Variants in GALNT13 observed in about 807,000 individuals in gnomAD.
GALNT13 encodes UDP-GalNAc:polypeptide N-acetylgalactosaminyltransferase 13.
GALNT13 carries 28 observed loss-of-function variants against 64.2 expected under a neutral mutation model. The ratio of observed to expected loss-of-function variants is 0.44; its 90% CI spans 0.32 to 0.60. GALNT13 has a LOEUF of 0.60. Ranked by LOEUF, GALNT13 falls within the 20% of genes least tolerant of loss-of-function variation. The probability of loss-of-function intolerance (pLI) is 0.05; values close to 1 mark genes in which losing one functional copy is unlikely to be tolerated. For synonymous variants in GALNT13, 214 were observed against 224.6 expected (o/e 0.95, Z 0.42); for missense variants, 577 against 669.8 (o/e 0.86, Z 1.53).
At chr2:154,211,488 C>T (rs534468434) in intron 4 of GALNT13, among the ~76,000 whole-genome samples, 1 of 151,650 alleles carries the variant, frequency 6.6e-6, no homozygotes, top group East Asian at 1.9e-4. Context: ...ATTAGCCAGG[C>T]ATGGTGATGC....
chr2:153,778,270 A>G, the GALNT13 span, among the ~76,000 whole-genome samples: 1 of 152,192 alleles, frequency 6.6e-6, no homozygotes, highest in African/African-American at 2.4e-5. Context: ...GAGTATTTAT[A>G]GGCACAGGAT....
chr2:153,842,591 G>A, the GALNT13 span, among the ~76,000 whole-genome samples: 4 of 149,770 alleles, frequency 2.7e-5, no homozygotes, highest in African/African-American at 9.8e-5. Flanking sequence ...AGTAAAACTA[G>A]TTTTTTTTTT....
intron 4 of GALNT13, among the ~76,000 whole-genome samples, chr2:154,210,381 T>G (rs1181653948): frequency 6.6e-6 from 1 of 152,196 alleles, no homozygotes; most frequent in Non-Finnish European, 1.5e-5. Context: ...ATATGGTAGT[T>G]CTATATGTAG....
chr2:153,758,739 T>C, the GALNT13 span, among the ~76,000 whole-genome samples: 2 of 152,056 alleles, frequency 1.3e-5, no homozygotes, highest in Non-Finnish European at 1.5e-5. Flanking sequence ...ATTACAGGCC[T>C]GTGTGCCGCA....
the GALNT13 span, among the ~76,000 whole-genome samples, chr2:153,492,456 C>T: frequency 6.6e-6 from 1 of 152,274 alleles, no homozygotes; most frequent in South Asian, 2.1e-4. Context: ...TGCTGCTTTG[C>T]AGAATTCAAT....
chr2:153,782,069 C>T, the GALNT13 span, among the ~76,000 whole-genome samples: 2 of 152,086 alleles, frequency 1.3e-5, no homozygotes, highest in African/African-American at 4.8e-5. Flanking sequence ...ATCCCACCAC[C>T]CCCTAAATTC....
intron 4 of GALNT13, among the ~76,000 whole-genome samples, chr2:154,210,492 G>C (rs182814633): frequency 2.4e-4 from 36 of 152,202 alleles, no homozygotes; most frequent in Admixed American, 2.1e-3. Context: ...TCCTGACACA[G>C]TTAAGGAACT....
chr2:153,769,154 T>C, the GALNT13 span, among the ~76,000 whole-genome samples: 1 of 152,182 alleles, frequency 6.6e-6, no homozygotes, highest in Non-Finnish European at 1.5e-5. Context: ...GCTAGTTGTT[T>C]TGGCATTTCA....
At chr2:153,696,517 A>G in the GALNT13 span, among the ~76,000 whole-genome samples, 1 of 152,086 alleles carries the variant, frequency 6.6e-6, no homozygotes, top group African/African-American at 2.4e-5. Flanking sequence ...CATCACACCT[A>G]CTAAGTTTTT....
chr2:154,362,416 C>G (rs1008125138), intron 9 of GALNT13, among the ~76,000 whole-genome samples: 1 of 152,112 alleles, frequency 6.6e-6, no homozygotes, highest in East Asian at 1.9e-4. Flanking sequence ...CCCCACCTCT[C>G]CTTTCATCTT....
At chr2:154,185,254 T>C (rs1686186951) in intron 4 of GALNT13, among the ~76,000 whole-genome samples, 1 of 152,064 alleles carries the variant, frequency 6.6e-6, no homozygotes, top group Admixed American at 6.6e-5. Flanking sequence ...TAAATTGCTT[T>C]TCTATTACTG....
At chr2:153,438,101 A>C in the GALNT13 span, among the ~76,000 whole-genome samples, 1 of 152,154 alleles carries the variant, frequency 6.6e-6, no homozygotes, top group South Asian at 2.1e-4. Context: ...GTTTGGCTGG[A>C]TATGAAATTC....
intron 3 of GALNT13, among the ~76,000 whole-genome samples, chr2:154,071,165 T>C (rs530900550): frequency 6.6e-6 from 1 of 152,320 alleles, no homozygotes; most frequent in East Asian, 1.9e-4. Flanking sequence ...TCATGACTTA[T>C]TTCTTGCAAG....
chr2:154,023,946 A>T (rs1697739236), intron 3 of GALNT13, among the ~76,000 whole-genome samples: 1 of 151,904 alleles, frequency 6.6e-6, no homozygotes, highest in Admixed American at 6.6e-5. Context: ...TTTCTCCTTC[A>T]CTTATGAAGC....
chr2:153,716,901 T>G, the GALNT13 span, among the ~76,000 whole-genome samples: 7 of 152,270 alleles, frequency 4.6e-5, no homozygotes, highest in South Asian at 1.4e-3. Flanking sequence ...AATATTTTCA[T>G]GTTCTTCTTA....
intron 4 of GALNT13, among the ~76,000 whole-genome samples, chr2:154,241,144 T>C (rs1042761229): frequency 2.6e-5 from 4 of 152,114 alleles, no homozygotes; most frequent in Admixed American, 2.0e-4. Flanking sequence ...CTTCTGGACG[T>C]CCAGCAGCTT....
the GALNT13 span, among the ~76,000 whole-genome samples, chr2:153,568,880 A>T: frequency 6.6e-6 from 1 of 152,228 alleles, no homozygotes; most frequent in African/African-American, 2.4e-5. Context: ...GAAATCATGG[A>T]CATAGAGTAT....
chr2:153,628,738 T>G, the GALNT13 span, among the ~76,000 whole-genome samples: 5 of 152,266 alleles, frequency 3.3e-5, no homozygotes, highest in South Asian at 6.2e-4. Flanking sequence ...TGCTGCTGGA[T>G]TTCGTTTGCC....
intron 3 of GALNT13, among the ~76,000 whole-genome samples, chr2:154,070,313 C>G (rs1024056978): frequency 1.3e-5 from 2 of 152,108 alleles, no homozygotes; most frequent in African/African-American, 4.8e-5. Context: ...AAAGTGATTT[C>G]TAAAATTTCT....
Sources: gnomAD v4.1 joint callset for allele counts (sites outside exome capture counted in the v4.1 genomes callset) on GRCh38, gnomAD v4.1.1 for gene constraint, MANE v1.5 for transcripts, NCBI Gene and HGNC (gene_info 2026-07-23, HGNC 2026-07-21) for gene names.